The following CDH11 variants were observed in gnomAD, a reference collection of about 807,000 sequenced individuals.
CDH11 encodes cadherin 11, also known as cadherin-11.
In CDH11, 11 loss-of-function variants were observed where a neutral mutation model predicts 67.8. That is an observed-to-expected ratio of 0.16 (90% CI 0.10 to 0.27). The LOEUF is 0.27. Among genes scored for constraint, CDH11 ranks in the 10% least tolerant of loss-of-function variants. The pLI, the probability that CDH11 is intolerant of heterozygous loss-of-function variation, is 1.00. For synonymous variants in CDH11, 419 were observed against 400.0 expected (o/e 1.05, Z -0.57); for missense variants, 847 against 1,031.2 (o/e 0.82, Z 2.45).
chr16:64,945,894 G>C lies in CDH11; in HGVS notation c.*1709C>G. 2.8e-6 allele frequency: 3 copies of C among 1,057,684 alleles called. No individual in the cohort carries two copies. The highest frequency in any genetic ancestry group is 3.4e-6 in the Non-Finnish European group (3 of 874,538). The allele number at this position is 1,057,684 out of a possible 1,614,324, so 65.5% of individuals were successfully genotyped here. ...CAATCCAAGAAAAAGCACGTGCCCT[G>C]TGTGTAGGGGGAAAGAGGGAAAGCA... On this transcript the variant is annotated 3_prime_UTR_variant, in exon 13 of 13. Transcript: ENST00000268603.
chr16:64,969,651 C>G (rs565020718), intron 11 of CDH11, among the ~76,000 whole-genome samples: 16 of 152,234 alleles, frequency 1.1e-4, no homozygotes, highest in Non-Finnish European at 2.1e-4. Context: ...AAACTGGAAA[C>G]AAATTTGAGA....
At chr16:65,119,184 C>G (rs1355865030) in intron 1 of CDH11, 1 of 152,006 alleles carries the variant, frequency 6.6e-6, no homozygotes, top group Non-Finnish European at 1.5e-5. Flanking sequence ...GAAGAAAAAC[C>G]ATGAATTATG....
At chr16:65,019,706 G>T (rs1012890534) in intron 2 of CDH11, among the ~76,000 whole-genome samples, 3 of 151,948 alleles carry the variant, frequency 2.0e-5, no homozygotes, top group Non-Finnish European at 4.4e-5. Context: ...CCCAGATTTT[G>T]TATCAGTGTG....
In CDH11 at chr16:65,080,905, T is replaced by C. The variant is rs534066819; in HGVS notation, c.-297-26977A>G. ...CTTCATTAAGAAAGGTTTCTTTCTT[T>C]ATTCATCTTTGTATCTCTAGCATAT... On this transcript the variant is annotated intron_variant, in intron 1 of 12. Transcript: ENST00000268603. Among the ~76,000 whole-genome samples, 8 of 152,316 alleles carry C rather than the reference T, an allele frequency of 5.3e-5. No homozygotes were observed. In the South Asian group the frequency reaches 1.4e-3, roughly 28 times the overall value.
At chr16:64,973,818 A>G (rs2072080648) in intron 8 of CDH11, among the ~76,000 whole-genome samples, 1 of 152,036 alleles carries the variant, frequency 6.6e-6, no homozygotes, top group South Asian at 2.1e-4. Flanking sequence ...GAAAAAAAAA[A>G]GACAAAAGAA....
intron 1 of CDH11, among the ~76,000 whole-genome samples, chr16:65,071,092 T>A (rs557521847): frequency 1.2e-4 from 19 of 152,278 alleles, no homozygotes; most frequent in South Asian, 1.0e-3. Context: ...TTTGAGGAAC[T>A]CCCTGGTGCC....
At chr16:64,954,852 C>A (rs887071800) in intron 11 of CDH11, among the ~76,000 whole-genome samples, 25 of 151,832 alleles carry the variant, frequency 1.6e-4, no homozygotes, top group African/African-American at 5.8e-4. Flanking sequence ...TGCCTGTAAT[C>A]CCAGCACTTG....
chr16:65,014,380 A>G (rs1446202567), intron 2 of CDH11, among the ~76,000 whole-genome samples: 1 of 152,168 alleles, frequency 6.6e-6, no homozygotes, highest in Non-Finnish European at 1.5e-5. Context: ...ATGCCCCAAA[A>G]TCGTATCATT....
chr16:65,051,082 G>T (rs1256464137), intron 2 of CDH11, among the ~76,000 whole-genome samples: 1 of 152,286 alleles, frequency 6.6e-6, no homozygotes, highest in African/African-American at 2.4e-5. Context: ...TGCAAAATAA[G>T]CAAATGCAAG....
At chr16:65,042,742 C>G (rs762273030) in intron 2 of CDH11, among the ~76,000 whole-genome samples, 295 of 152,286 alleles carry the variant, frequency 1.9e-3, no homozygotes, top group Non-Finnish European at 3.5e-3. Flanking sequence ...TGTCTTCCCT[C>G]CATCTGGTAT....
At chr16:65,069,792 A>G (rs1209628945) in intron 1 of CDH11, among the ~76,000 whole-genome samples, 1 of 152,162 alleles carries the variant, frequency 6.6e-6, no homozygotes, top group African/African-American at 2.4e-5. Context: ...AAACCTTAGA[A>G]GGTTCTCCCT....
At position 65,066,686 on chromosome 16, in the gene CDH11, A is replaced by G. The variant is rs79408581; in HGVS notation, c.-297-12758T>C. Among the ~76,000 whole-genome samples the G allele has an allele frequency of 6.9e-3, 1,053 of 152,344 alleles. 22 individuals carry two copies. Among genetic ancestry groups the G allele is most frequent in the African/African-American group, 0.023 (967 of 41,584 alleles). On this transcript the variant is annotated intron_variant, in intron 1 of 12. Transcript: ENST00000268603. ...ACAACTATGACTTACAACCACCTTT[A>G]TCAGTCATTCTGTTCTTATGTGTTT...
At chr16:65,002,506 C>A (rs2072942737) in intron 3 of CDH11, among the ~76,000 whole-genome samples, 1 of 152,196 alleles carries the variant, frequency 6.6e-6, no homozygotes, top group African/African-American at 2.4e-5. Context: ...ATTCCATATG[C>A]CAATTATTTC....
chr16:64,982,131 G>T lies in CDH11; in HGVS notation c.1170C>A (p.His390Gln), dbSNP rs372338085. ...PPMFLAPSYI[H>Q]EVQENAAAGT... ...CAGCAGCTGCATTTTCTTGGACTTC[G>T]TGGATGTAACTTGGGGCCAAGAACA... Residue 390 changes from histidine to glutamine, a missense_variant, in exon 8 of 13, where the codon CAC (histidine) becomes CAA (glutamine). Transcript: ENST00000268603. 1 of 1,613,988 alleles carries T rather than the reference G, an allele frequency of 6.2e-7. No individual in the cohort carries two copies. Among genetic ancestry groups the T allele is most frequent in the African/African-American group, 1.3e-5 (1 of 75,002 alleles).
At chr16:65,054,005 G>A (rs2074101316) in intron 1 of CDH11, 77 bp from the exon 2 acceptor site, 1 of 420,668 alleles carries the variant, frequency 2.4e-6, no homozygotes, top group Non-Finnish European at 4.9e-6. Context: ...AAACACAGTT[G>A]CATATGACAG....
intron 4 of CDH11, 100 bp from the exon 5 acceptor site, chr16:64,993,134 C>A: frequency 1.0e-6 from 1 of 956,014 alleles, no homozygotes; most frequent in Non-Finnish European, 1.6e-6. Context: ...GAAGAAGGCA[C>A]CACAATTATT....
chr16:65,095,154 C>A (rs2074866787), intron 1 of CDH11, among the ~76,000 whole-genome samples: 1 of 152,072 alleles, frequency 6.6e-6, no homozygotes, highest in Non-Finnish European at 1.5e-5. Context: ...AGGTCTGCCT[C>A]ACTCCTCATT....
At chr16:65,033,548 C>A (rs1180544799) in intron 2 of CDH11, among the ~76,000 whole-genome samples, 1 of 151,832 alleles carries the variant, frequency 6.6e-6, no homozygotes, top group East Asian at 1.9e-4. Flanking sequence ...GCCATCCTGG[C>A]CAATATGGAA....
chr16:64,995,423 C>G (rs1328915651), intron 4 of CDH11, among the ~76,000 whole-genome samples: 1 of 152,090 alleles, frequency 6.6e-6, no homozygotes, highest in Non-Finnish European at 1.5e-5. Flanking sequence ...GAATAGAGAA[C>G]CCAGAAATAA....
Sources: gnomAD v4.1 joint callset for allele counts (sites outside exome capture counted in the v4.1 genomes callset) on GRCh38, gnomAD v4.1.1 for gene constraint, MANE v1.5 for transcripts, NCBI Gene and HGNC (gene_info 2026-07-23, HGNC 2026-07-21) for gene names.